Variants in DHX35 observed in about 807,000 individuals in gnomAD.
DHX35 encodes the protein probable ATP-dependent RNA helicase DHX35.
A neutral mutation model predicts 99.6 loss-of-function variants in DHX35; 84 were observed. The observed-to-expected ratio is 0.84, with a 90% confidence interval of 0.71 to 1.01. DHX35 has a LOEUF of 1.01. DHX35 is among the 50% of genes least tolerant of loss of function. The pLI is 0.00. For missense variants in DHX35, 852 were observed against 888.5 expected (o/e 0.96, Z 0.52); for synonymous variants, 331 against 316.2 (o/e 1.05, Z -0.50).
chr20:39,031,877 A>G (rs190173549), intron 20 of DHX35, among the ~76,000 whole-genome samples: 1 of 152,332 alleles, frequency 6.6e-6, no homozygotes, highest in East Asian at 1.9e-4. Flanking sequence ...AACATAAAGG[A>G]ACCTCATGCG....
At chr20:38,963,771 A>G (rs576464272) in intron 1 of DHX35, among the ~76,000 whole-genome samples, 4 of 152,340 alleles carry the variant, frequency 2.6e-5, no homozygotes, top group Admixed American at 2.6e-4. Flanking sequence ...CAGGAGACAA[A>G]TACAGATGCT....
intron 11 of DHX35, 22 bp downstream of exon 11, chr20:39,003,929 A>G: frequency 6.2e-7 from 1 of 1,611,274 alleles, no homozygotes; most frequent in Non-Finnish European, 8.5e-7. Context: ...CTGATGACCA[A>G]GGGTGTTGGC....
chr20:38,968,231 C>T (rs780225068), intron 1 of DHX35, among the ~76,000 whole-genome samples: 8 of 152,234 alleles, frequency 5.3e-5, no homozygotes, highest in East Asian at 3.9e-4. Context: ...CTGGCACTGC[C>T]GGCAGCCGTC....
Position 39,025,265 on chromosome 20 carries a change from C to T in DHX35, c.1707C>T (p.Phe569=). ...ACTCTAAATGGTGTCAGGAACATTT[C>T]CTGAATTACAAGGGTCTTGTCAGAG... ...NKDSKWCQEH[F]LNYKGLVRAA... Residue 569 remains phenylalanine (F), a synonymous_variant, in exon 18 of 22, where the codon TTC becomes TTT. Coordinates refer to ENST00000252011, the MANE Select transcript of DHX35 (RefSeq NM_021931.4). The T allele has an allele frequency of 6.2e-7, 1 of 1,613,364 alleles. No individual in the cohort carries two copies. Among genetic ancestry groups the T allele is most frequent in the Non-Finnish European group, 8.5e-7 (1 of 1,179,630 alleles).
intron 9 of DHX35, among the ~76,000 whole-genome samples, chr20:39,002,533 G>A (rs1016451817): frequency 6.6e-6 from 1 of 152,150 alleles, no homozygotes; most frequent in African/African-American, 2.4e-5. Context: ...ATTTGTATGG[G>A]TATATCATGT....
In DHX35 at chr20:39,030,784, A is replaced by G; in HGVS notation, c.1955+9A>G. ...GAGAAGCCGCCTCGCTGGTAAGCTCATCCTGCTGCTTAGCCTGTGCCTGCT... is the reference window on the plus strand; with the variant it reads ...GAGAAGCCGCCTCGCTGGTAAGCTCGTCCTGCTGCTTAGCCTGTGCCTGCT... On this transcript the variant is annotated intron_variant, in intron 20 of 21. Coordinates refer to ENST00000252011, the MANE Select transcript of DHX35 (RefSeq NM_021931.4). 5 of 1,613,760 alleles carry G rather than the reference A, an allele frequency of 3.1e-6. No individual in the cohort carries two copies. Among genetic ancestry groups the G allele is most frequent in the East Asian group, 2.2e-5 (1 of 44,874 alleles).
chr20:38,964,905 C>T (rs562756156), intron 1 of DHX35, among the ~76,000 whole-genome samples: 164 of 152,306 alleles, frequency 1.1e-3, no homozygotes, highest in Non-Finnish European at 2.0e-3. Flanking sequence ...GTTGGAGAGA[C>T]ATTTTAGAGG....
intron 17 of DHX35, among the ~76,000 whole-genome samples, chr20:39,023,980 T>C (rs780765414): frequency 6.6e-6 from 1 of 152,224 alleles, no homozygotes; most frequent in Non-Finnish European, 1.5e-5. Flanking sequence ...CAGGAATCAT[T>C]CATTGCTTTC....
intron 21 of DHX35, among the ~76,000 whole-genome samples, chr20:39,036,454 G>A (rs971749889): frequency 1.3e-5 from 2 of 152,072 alleles, no homozygotes; most frequent in African/African-American, 2.4e-5. Flanking sequence ...GGCCGAGCAC[G>A]GTGGCTCACG....
At chr20:39,022,145 T>A (rs78337571) in intron 16 of DHX35, among the ~76,000 whole-genome samples, 3,081 of 152,192 alleles carry the variant, frequency 0.02, 112 homozygotes, top group African/African-American at 0.071. Context: ...GAAGTAGATA[T>A]TATTATCATA....
chr20:38,972,548 T>C lies in DHX35; in HGVS notation c.175-11T>C, dbSNP rs191775541. ...GTATGGCTATTTGCAAGGTGTGTTA[T>C]TCTTTTTCAGCTTAGGAATCATATT... On this transcript the variant is annotated splice_polypyrimidine_tract_variant and intron_variant, in intron 2 of 21. Transcript: ENST00000252011. 2.5e-6 allele frequency: 4 copies of C among 1,570,580 alleles called. No individual in the cohort carries two copies. The African/African-American group carries it at 5.4e-5, about 21-fold the overall frequency.
At chr20:39,032,578 A>G (rs1391194485) in intron 20 of DHX35, among the ~76,000 whole-genome samples, 1 of 152,208 alleles carries the variant, frequency 6.6e-6, no homozygotes, top group Non-Finnish European at 1.5e-5. Context: ...GAGAGAAGAT[A>G]GCGGTAGATT....
chr20:38,967,616 G>T (rs1023210035), intron 1 of DHX35, among the ~76,000 whole-genome samples: 3 of 152,198 alleles, frequency 2.0e-5, no homozygotes, highest in East Asian at 3.8e-4. Flanking sequence ...TTGTTTTTCT[G>T]TTTGAGCTAA....
rs2086523793 is a variant in DHX35 at position 39,001,770 on chromosome 20, C to T, written c.683C>T (p.Pro228Leu). ...TTTAATCAAAATGAAACCAGTGATC[C>T]AGCAAGGGATACATGTGTGATCCTT... is the stretch of plus-strand genomic sequence containing the variant. ...DFFNQNETSD[P>L]ARDTCVILTV... is the part of the protein sequence containing the mutation. The change falls in exon 9 of 22, where the codon CCA (proline) becomes CTA (leucine). Residue 228 changes from proline (P) to leucine (L), a missense_variant. Physicochemically the swap from Pro to Leu is moderately conservative, Grantham distance 98 (BLOSUM62 -3). Coordinates refer to ENST00000252011, the MANE Select transcript of DHX35 (RefSeq NM_021931.4). 6.2e-7 allele frequency: 1 copy of T among 1,612,200 alleles called. No individual in the cohort carries two copies. Among genetic ancestry groups the T allele is most frequent in the Non-Finnish European group, 8.5e-7 (1 of 1,179,468 alleles).
At chr20:38,971,631 CTTGTT>C (rs1035627609) in intron 2 of DHX35, among the ~76,000 whole-genome samples, 2 of 152,142 alleles carry the variant, frequency 1.3e-5, no homozygotes, top group African/African-American at 2.4e-5. Context: ...TTGACAGCTT[CTTGTT>C]TTGTTTTGTT....
At chr20:38,968,764 C>G (rs564199042) in intron 1 of DHX35, among the ~76,000 whole-genome samples, 1 of 152,270 alleles carries the variant, frequency 6.6e-6, no homozygotes, top group African/African-American at 2.4e-5. Context: ...GTTGCCCAGA[C>G]TGGTCTCTAA....
At chr20:38,977,869 G>A in intron 3 of DHX35, 1 of 569,730 alleles carries the variant, frequency 1.8e-6, no homozygotes, top group Non-Finnish European at 3.4e-6. Flanking sequence ...TTTGGCTGGA[G>A]TATCTTGTAT....
intron 4 of DHX35, among the ~76,000 whole-genome samples, chr20:38,986,327 A>G (rs1452507545): frequency 2.0e-5 from 3 of 152,260 alleles, no homozygotes; most frequent in Non-Finnish European, 4.4e-5. Flanking sequence ...AAGCCAAGAG[A>G]ATATAACCTT....
intron 2 of DHX35, among the ~76,000 whole-genome samples, chr20:38,971,369 C>G (rs1433293692): frequency 6.6e-6 from 1 of 152,076 alleles, no homozygotes; most frequent in African/African-American, 2.4e-5. Context: ...CAAAACAAAA[C>G]AAAACAATGT....
Sources: gnomAD v4.1 joint callset for allele counts (sites outside exome capture counted in the v4.1 genomes callset) on GRCh38, gnomAD v4.1.1 for gene constraint, MANE v1.5 for transcripts, NCBI Gene and HGNC (gene_info 2026-07-23, HGNC 2026-07-21) for gene names.